PCDH7: variants seen among roughly 807,000 people sequenced by gnomAD.
PCDH7 encodes protocadherin-7.
Under a neutral mutation model 58.9 loss-of-function variants are expected in PCDH7, and 17 were observed. That is an observed-to-expected ratio of 0.29 (90% confidence interval 0.20 to 0.43). PCDH7 has a LOEUF of 0.43. Ranked by LOEUF, PCDH7 falls within the 20% of genes least tolerant of loss-of-function variation. PCDH7 has a pLI of 1.00. For missense variants in PCDH7, 1,274 were observed against 1,441.0 expected (o/e 0.88, Z 1.88); for synonymous variants, 664 against 616.4 (o/e 1.08, Z -1.14).
intron 1 of PCDH7, among the ~76,000 whole-genome samples, chr4:30,903,354 A>G (rs976409569): frequency 2.0e-5 from 3 of 152,136 alleles, no homozygotes; most frequent in Non-Finnish European, 4.4e-5. Flanking sequence ...AACTCTCTCC[A>G]GTGAAAATTA....
intron 3 of PCDH7, among the ~76,000 whole-genome samples, chr4:30,992,793 CTTTTTTTTTTTTT>C: frequency 1.0e-5 from 1 of 95,652 alleles, no homozygotes; most frequent in South Asian, 3.6e-4. Context: ...CTGTCCCATT[CTTTTTTTTTTTTT>C]TTTTTTTTTT....
chr4:30,762,321 G>C (rs917511232), intron 1 of PCDH7, among the ~76,000 whole-genome samples: 4 of 152,090 alleles, frequency 2.6e-5, no homozygotes, highest in African/African-American at 9.7e-5. Flanking sequence ...ATTTAAGGAT[G>C]ATTATTCATT....
intron 3 of PCDH7, among the ~76,000 whole-genome samples, chr4:30,972,711 C>T (rs1749701838): frequency 6.6e-6 from 1 of 152,122 alleles, no homozygotes; most frequent in Non-Finnish European, 1.5e-5. Flanking sequence ...ACCCACATCG[C>T]CCACACCCTA....
intron 1 of PCDH7, among the ~76,000 whole-genome samples, chr4:30,842,737 G>T (rs1272922808): frequency 6.6e-6 from 1 of 152,126 alleles, no homozygotes; most frequent in Non-Finnish European, 1.5e-5. Context: ...GGCATTGAAA[G>T]AACTTTAGCA....
intron 3 of PCDH7, among the ~76,000 whole-genome samples, chr4:31,122,094 T>C (rs1363571071): frequency 1.3e-5 from 2 of 152,280 alleles, no homozygotes; most frequent in Middle Eastern, 3.4e-3. Flanking sequence ...GGACACACCG[T>C]GAGCAGCATA....
chr4:30,880,314 C>T (rs1304057360), intron 1 of PCDH7, among the ~76,000 whole-genome samples: 1 of 150,634 alleles, frequency 6.6e-6, no homozygotes, highest in Non-Finnish European at 1.5e-5. Context: ...CTCAGCTTTA[C>T]TATAGAAAGT....
intron 1 of PCDH7, among the ~76,000 whole-genome samples, chr4:30,864,978 C>T (rs940833462): frequency 6.6e-6 from 1 of 151,968 alleles, no homozygotes; most frequent in African/African-American, 2.4e-5. Flanking sequence ...GTGGCTTTCA[C>T]AACAAAATGA....
chr4:30,792,002 A>G (rs1007557156), intron 1 of PCDH7, among the ~76,000 whole-genome samples: 2 of 152,204 alleles, frequency 1.3e-5, no homozygotes, highest in Admixed American at 6.5e-5. Flanking sequence ...TAATGTGTCT[A>G]TTATATTTGA....
At chr4:31,134,433 C>T (rs1381413240) in intron 3 of PCDH7, among the ~76,000 whole-genome samples, 1 of 152,136 alleles carries the variant, frequency 6.6e-6, no homozygotes, top group Non-Finnish European at 1.5e-5. Context: ...GCACTCCAAC[C>T]TGGTGACAGA....
intron 2 of PCDH7, among the ~76,000 whole-genome samples, chr4:30,920,762 G>C (rs1242174200): frequency 6.6e-6 from 1 of 152,066 alleles, no homozygotes; most frequent in Non-Finnish European, 1.5e-5. Flanking sequence ...CTTAGTGAAA[G>C]GAAATGAAAG....
At chr4:30,789,955 A>G (rs1723902717) in intron 1 of PCDH7, among the ~76,000 whole-genome samples, 1 of 152,194 alleles carries the variant, frequency 6.6e-6, no homozygotes, top group South Asian at 2.1e-4. Context: ...ATGGCTATCT[A>G]CAGCAGAAGA....
chr4:31,117,668 C>T (rs1443084974), intron 3 of PCDH7, among the ~76,000 whole-genome samples: 1 of 151,932 alleles, frequency 6.6e-6, no homozygotes, highest in East Asian at 1.9e-4. Flanking sequence ...ACATTTGTTC[C>T]TTGATAGAAT....
chr4:30,997,602 A>G (rs1752015670), intron 3 of PCDH7, among the ~76,000 whole-genome samples: 2 of 152,202 alleles, frequency 1.3e-5, no homozygotes, highest in South Asian at 4.1e-4. Flanking sequence ...TTACACAGAA[A>G]TAAATGTGTG....
chr4:30,930,676 A>G (rs1393706146), intron 2 of PCDH7, among the ~76,000 whole-genome samples: 1 of 152,162 alleles, frequency 6.6e-6, no homozygotes, highest in Non-Finnish European at 1.5e-5. Flanking sequence ...TAATGCCTGT[A>G]ATTGCAGCAC....
At chr4:30,950,327 T>C (rs1747224594) in intron 3 of PCDH7, 1 of 152,574 alleles carries the variant, frequency 6.6e-6, no homozygotes, top group African/African-American at 2.4e-5. Context: ...GCCTTCTATA[T>C]GGAAGAATTG....
intron 3 of PCDH7, among the ~76,000 whole-genome samples, chr4:31,018,944 T>C (rs1008151950): frequency 5.3e-5 from 8 of 152,216 alleles, no homozygotes; most frequent in East Asian, 1.9e-4. Flanking sequence ...AGGTATGGTA[T>C]ACAGTGTCAT....
intron 1 of PCDH7, among the ~76,000 whole-genome samples, chr4:30,771,082 A>C (rs773135533): frequency 2.4e-4 from 37 of 152,162 alleles, no homozygotes; most frequent in Admixed American, 1.1e-3. Flanking sequence ...TTCCTTGATA[A>C]AATAAGTTAC....
intron 1 of PCDH7, among the ~76,000 whole-genome samples, chr4:30,870,945 G>A (rs768112156): frequency 2.0e-5 from 3 of 152,048 alleles, no homozygotes; most frequent in Non-Finnish European, 2.9e-5. Flanking sequence ...TCCCTTTTAT[G>A]TGCAATACTT....
intron 1 of PCDH7, among the ~76,000 whole-genome samples, chr4:30,758,302 G>T (rs1019984758): frequency 2.0e-5 from 3 of 152,138 alleles, no homozygotes; most frequent in Admixed American, 6.5e-5. Flanking sequence ...GTGGGAGAGG[G>T]GTTGGGGAGT....
Sources: allele counts gnomAD v4.1 joint callset (sites outside exome capture counted in the v4.1 genomes callset), GRCh38; gene constraint gnomAD v4.1.1; transcripts MANE v1.5; gene names NCBI Gene and HGNC (gene_info 2026-07-23, HGNC 2026-07-21).